Variants in SANBR observed in about 807,000 individuals in gnomAD.
SANBR encodes SANT and BTB domain regulator of CSR, also known as SANT and BTB domain regulator of class switch recombination.
Under a neutral mutation model 101.8 loss-of-function variants are expected in SANBR, and 77 were observed. That is an observed-to-expected ratio of 0.76 (90% CI 0.63 to 0.91). The LOEUF (loss-of-function observed/expected upper bound fraction) is 0.91. Ranked by LOEUF, SANBR falls within the 40% of genes least tolerant of loss-of-function variation. SANBR has a pLI of 0.00. For synonymous variants in SANBR, 279 were observed against 274.7 expected (o/e 1.02, Z -0.15); for missense variants, 875 against 853.0 (o/e 1.03, Z -0.32).
chr2:61,071,850 T>TA, intron 4 of SANBR, 58 bp downstream of exon 4: 2 of 1,029,300 alleles, frequency 1.9e-6, no homozygotes, highest in Non-Finnish European at 2.9e-6. Flanking sequence ...CAGAATATTA[T>TA]ATATTCCAAT....
At chr2:61,096,613 T>G (rs1018349437) in intron 11 of SANBR, among the ~76,000 whole-genome samples, 14 of 152,174 alleles carry the variant, frequency 9.2e-5, no homozygotes, top group African/African-American at 2.4e-4. Context: ...GGGATCTTGC[T>G]ACATTGCCCA....
intron 10 of SANBR, chr2:61,089,285 T>C (rs1301761072): frequency 1.6e-6 from 1 of 622,754 alleles, no homozygotes; most frequent in African/African-American, 2.0e-5. Context: ...CCAAGTCAGG[T>C]GGATCACCTG....
downstream of SANBR, among the ~76,000 whole-genome samples, chr2:61,127,441 G>C (rs1416067117): frequency 6.6e-6 from 1 of 152,124 alleles, no homozygotes; most frequent in Non-Finnish European, 1.5e-5. Flanking sequence ...CTGAAATCTG[G>C]GTAGCTTCAA....
intron 19 of SANBR, 124 bp from the exon 20 acceptor site, chr2:61,117,904 T>C (rs530045048): frequency 1.4e-6 from 1 of 713,994 alleles, no homozygotes; most frequent in Admixed American, 2.9e-5. Context: ...TATAGATGTA[T>C]GTGTCTGTAA....
intron 16 of SANBR, among the ~76,000 whole-genome samples, chr2:61,115,355 T>TA (rs1357592612): frequency 6.6e-6 from 1 of 151,344 alleles, no homozygotes; most frequent in Non-Finnish European, 1.5e-5. Flanking sequence ...TATTTTTTTT[T>TA]TGAGACAGAG....
In SANBR at chr2:61,121,730, T is replaced by A. The variant is rs1469094344; in HGVS notation, c.2121-396T>A. 2.0e-5 allele frequency among the ~76,000 whole-genome samples: 3 copies of A among 152,220 alleles called. 1 individual carries two copies. The highest frequency in any genetic ancestry group is 4.4e-5 in the Non-Finnish European group (3 of 68,034). On this transcript the variant is annotated intron_variant, in intron 21 of 21. Coordinates refer to ENST00000402291, the MANE Select transcript of SANBR (RefSeq NM_001129993.3). ...TTAGAGATTAACAGTTACTGAGATTTGAACATTAATATTACAGATTCTAAT... is the reference window on the plus strand; with the variant it reads ...TTAGAGATTAACAGTTACTGAGATTAGAACATTAATATTACAGATTCTAAT...
intron 16 of SANBR, among the ~76,000 whole-genome samples, chr2:61,112,904 C>T (rs1392091735): frequency 6.6e-6 from 1 of 152,124 alleles, no homozygotes; most frequent in African/African-American, 2.4e-5. Context: ...AAGTATTTGC[C>T]TACCTCAAAG....
chr2:61,122,804 C>T lies in SANBR; in HGVS notation c.*642C>T, dbSNP rs530636715. On this transcript the variant is annotated 3_prime_UTR_variant, in exon 22 of 22. Coordinates refer to ENST00000402291, the MANE Select transcript of SANBR (RefSeq NM_001129993.3). ...CTTTTTTTTCTTTCAGTTTTTAATGCTTATCTATTGATCATCTGAGCTGGA... is the reference window on the plus strand; with the variant it reads ...CTTTTTTTTCTTTCAGTTTTTAATGTTTATCTATTGATCATCTGAGCTGGA... The T allele has an allele frequency of 1.1e-5, 11 of 985,084 alleles. No homozygotes were observed. The African/African-American group carries it at 1.7e-4, about 16-fold the overall frequency. The allele number at this position is 985,084 out of a possible 1,614,324, so 61.0% of individuals were successfully genotyped here. A position where few individuals can be genotyped will look rare whatever the true frequency, so the allele number is the denominator to read the frequency against.
intron 8 of SANBR, among the ~76,000 whole-genome samples, chr2:61,085,210 T>A (rs1462195432): frequency 6.6e-6 from 1 of 152,192 alleles, no homozygotes; most frequent in Non-Finnish European, 1.5e-5. Flanking sequence ...GAGACCATAC[T>A]TTTTTTGTAT....
At chr2:61,066,940 A>G (rs1026345483) in intron 1 of SANBR, among the ~76,000 whole-genome samples, 1 of 152,172 alleles carries the variant, frequency 6.6e-6, no homozygotes, top group Non-Finnish European at 1.5e-5. Flanking sequence ...TACCTTAAAT[A>G]TTGTCAAGAT....
chr2:61,120,082 T>A (rs769231670), intron 20 of SANBR, among the ~76,000 whole-genome samples: 6 of 152,218 alleles, frequency 3.9e-5, no homozygotes, highest in Non-Finnish European at 7.3e-5. Context: ...CAATTTCTTA[T>A]AGACATTCCC....
intron 20 of SANBR, 151 bp downstream of exon 20, chr2:61,118,267 GTT>G (rs1302449981): frequency 1.6e-6 from 1 of 642,584 alleles, no homozygotes; most frequent in Non-Finnish European, 2.7e-6. Context: ...TTGAGATGGA[GTT>G]TTGCTCTTGT....
At chr2:61,086,675 T>C (rs1682448989) in intron 8 of SANBR, among the ~76,000 whole-genome samples, 1 of 152,116 alleles carries the variant, frequency 6.6e-6, no homozygotes, top group African/African-American at 2.4e-5. Flanking sequence ...TTTCCGGATG[T>C]TTTACTTTGC....
intron 5 of SANBR, among the ~76,000 whole-genome samples, chr2:61,075,829 A>C (rs537301392): frequency 6.6e-6 from 1 of 151,926 alleles, no homozygotes; most frequent in South Asian, 2.1e-4. Flanking sequence ...AATTATAGCT[A>C]TTTTTCCTTT....
At chr2:61,117,586 A>C in intron 19 of SANBR, 46 bp downstream of exon 19, 1 of 1,460,368 alleles carries the variant, frequency 6.8e-7, no homozygotes, top group South Asian at 1.1e-5. Context: ...TGTAAATAGC[A>C]ATGATTGGTG....
rs780063493 is a variant in SANBR, at chr2:61,083,122, A to G, written c.730-32A>G. 3.3e-6 allele frequency: 5 copies of G among 1,517,032 alleles called. No homozygotes were observed. The African/African-American group carries it at 5.5e-5, about 17-fold the overall frequency. 94.0% of individuals were successfully genotyped at this position (1,517,032 alleles called of 1,614,324 possible). ...CTATGACATTGTCCTTCATGCTACT[A>G]TTTTCGACATTTATTTTCTATGATT... On this transcript the variant is annotated intron_variant, in intron 7 of 21. Transcript: ENST00000402291.
chr2:61,070,571 A>G (rs1332344123), intron 3 of SANBR, 71 bp downstream of exon 3: 3 of 1,398,730 alleles, frequency 2.1e-6, no homozygotes, highest in Non-Finnish European at 2.9e-6. Context: ...AGAAACACCA[A>G]GAGAGAGAAA....
intron 11 of SANBR, among the ~76,000 whole-genome samples, chr2:61,092,941 A>G (rs1573622008): frequency 6.6e-6 from 1 of 151,968 alleles, no homozygotes; most frequent in Admixed American, 6.6e-5. Context: ...AGACCATCCT[A>G]TCTAACATGG....
intron 12 of SANBR, among the ~76,000 whole-genome samples, chr2:61,099,865 A>G (rs918499014): frequency 3.9e-5 from 6 of 152,110 alleles, no homozygotes; most frequent in African/African-American, 1.2e-4. Context: ...TAATACTGCT[A>G]AGAGGTCAAA....
Sources: allele counts gnomAD v4.1 joint callset (sites outside exome capture counted in the v4.1 genomes callset), GRCh38; gene constraint gnomAD v4.1.1; transcripts MANE v1.5; gene names NCBI Gene and HGNC (gene_info 2026-07-23, HGNC 2026-07-21).